ZFPM2: variants seen among roughly 807,000 people sequenced by gnomAD.
ZFPM2 encodes the protein zinc finger protein, FOG family member 2.
Under a neutral mutation model 98.6 loss-of-function variants are expected in ZFPM2, and 20 were observed. That is an observed-to-expected ratio of 0.20 (90% CI 0.14 to 0.29). ZFPM2 has a LOEUF of 0.29. ZFPM2 is among the 10% of genes least tolerant of loss of function. The pLI, the probability that ZFPM2 is intolerant of heterozygous loss-of-function variation, is 1.00. For missense variants in ZFPM2, 1,310 were observed against 1,388.6 expected (o/e 0.94, Z 0.90); for synonymous variants, 518 against 502.7 (o/e 1.03, Z -0.41).
intron 1 of ZFPM2, among the ~76,000 whole-genome samples, chr8:105,386,852 A>G (rs1366381069): frequency 6.6e-6 from 1 of 151,962 alleles, no homozygotes; most frequent in African/African-American, 2.4e-5. Flanking sequence ...GTGGAGGACA[A>G]AAGTTCTCCA....
chr8:105,683,706 C>T (rs188250123), intron 5 of ZFPM2, among the ~76,000 whole-genome samples: 11 of 152,292 alleles, frequency 7.2e-5, no homozygotes, highest in Admixed American at 5.9e-4. Flanking sequence ...TCTTAAGAAT[C>T]AGCCCTGAGA....
intron 4 of ZFPM2, among the ~76,000 whole-genome samples, chr8:105,622,178 T>C (rs1205753175): frequency 6.6e-6 from 1 of 152,154 alleles, no homozygotes; most frequent in Non-Finnish European, 1.5e-5. Flanking sequence ...CAAACTTCAG[T>C]GTAACACACA....
intron 3 of ZFPM2, among the ~76,000 whole-genome samples, chr8:105,456,145 T>C (rs546570779): frequency 4.4e-4 from 45 of 101,946 alleles, no homozygotes; most frequent in African/African-American, 1.3e-3. Flanking sequence ...ACCAGGAAAA[T>C]GTTTTTTTTT....
rs534407573 is a variant in ZFPM2, at chr8:105,466,102, G to C, written c.301+21721G>C. Among the ~76,000 whole-genome samples, 13 of 152,000 alleles carry C rather than the reference G, an allele frequency of 8.6e-5. No individual in the cohort carries two copies. The East Asian group carries it at 2.5e-3, about 29-fold the overall frequency. On this transcript the variant is annotated intron_variant, in intron 3 of 7. Transcript: ENST00000407775. Reference sequence around the variant, plus strand: ...TTGTGATGAGTGGTTTAACTTCGTGGCTTTTCTTAGGTAAAGGTTTTATGA... The same window carrying C: ...TTGTGATGAGTGGTTTAACTTCGTGCCTTTTCTTAGGTAAAGGTTTTATGA...
intron 3 of ZFPM2, among the ~76,000 whole-genome samples, chr8:105,489,292 T>C (rs1586410005): frequency 6.6e-6 from 1 of 151,244 alleles, no homozygotes; most frequent in East Asian, 1.9e-4. Flanking sequence ...GGTAATAAGA[T>C]GATATCACTT....
chr8:105,355,572 C>A lies in ZFPM2; in HGVS notation c.40+36591C>A, dbSNP rs114901708. Among the ~76,000 whole-genome samples the A allele has an allele frequency of 6.8e-3, 1,029 of 152,172 alleles. 8 individuals carry two copies. Among genetic ancestry groups the A allele is most frequent in the African/African-American group, 0.023 (973 of 41,504 alleles). On this transcript the variant is annotated intron_variant, in intron 1 of 7. Transcript: ENST00000407775. ...CAAGCATGCTTTTTAATTTTATGAT[C>A]GGAGAGTACTTAAAATTTTAAGATG...
intron 2 of ZFPM2, among the ~76,000 whole-genome samples, chr8:105,431,466 C>T (rs1812019680): frequency 6.6e-6 from 1 of 152,182 alleles, no homozygotes; most frequent in South Asian, 2.1e-4. Context: ...ACATGTGAGA[C>T]ATGCTGTGGA....
intron 4 of ZFPM2, among the ~76,000 whole-genome samples, chr8:105,617,189 T>TATGCC (rs1328764372): frequency 3.3e-5 from 5 of 152,064 alleles, no homozygotes; most frequent in Admixed American, 3.3e-4. Flanking sequence ...ATTTTGTGAG[T>TATGCC]ATGCCATAAA....
intron 1 of ZFPM2, among the ~76,000 whole-genome samples, chr8:105,411,379 A>G (rs1247064622): frequency 2.0e-5 from 3 of 151,588 alleles, no homozygotes; most frequent in Non-Finnish European, 4.4e-5. Flanking sequence ...TGGATTATCC[A>G]CTCACTTTGG....
chr8:105,587,667 A>G (rs1331636962), intron 4 of ZFPM2, among the ~76,000 whole-genome samples: 5 of 152,166 alleles, frequency 3.3e-5, no homozygotes. Context: ...CACAAATAAT[A>G]ATGGCAGAAT....
chr8:105,580,186 T>TA (rs1194985934), intron 4 of ZFPM2, among the ~76,000 whole-genome samples: 46 of 152,202 alleles, frequency 3.0e-4, no homozygotes, highest in African/African-American at 9.7e-4. Context: ...AACATAAAGA[T>TA]ATGTGCTGAT....
At position 105,565,552 on chromosome 8, in the gene ZFPM2, C is replaced by T. The variant is rs1316194390; in HGVS notation, c.420+4071C>T. Among the ~76,000 whole-genome samples the T allele has an allele frequency of 2.0e-5, 3 of 152,230 alleles. No individual in the cohort carries two copies. In the East Asian group the frequency reaches 5.8e-4, roughly 29 times the overall value. On this transcript the variant is annotated intron_variant, in intron 4 of 7. Transcript: ENST00000407775. ...CTACTTTGGGAAGTTAAATAACTAG[C>T]CTAAGGTCAACTCAGTCTGATTCCA... is the stretch of plus-strand genomic sequence containing the variant.
chr8:105,558,800 T>G (rs1293051073), intron 3 of ZFPM2, among the ~76,000 whole-genome samples: 6 of 152,020 alleles, frequency 3.9e-5, no homozygotes, highest in Non-Finnish European at 7.4e-5. Flanking sequence ...AGCAAATTAT[T>G]TGGGTATATT....
intron 3 of ZFPM2, among the ~76,000 whole-genome samples, chr8:105,474,777 T>C (rs1015940815): frequency 7.9e-5 from 12 of 152,324 alleles, no homozygotes; most frequent in South Asian, 2.1e-4. Flanking sequence ...TAGGTGAGTG[T>C]AGAAGTGATT....
chr8:105,473,544 G>A (rs576664997), intron 3 of ZFPM2, among the ~76,000 whole-genome samples: 1 of 152,128 alleles, frequency 6.6e-6, no homozygotes, highest in Non-Finnish European at 1.5e-5. Context: ...CAATTCTGGT[G>A]GGTTAAGAGA....
intron 5 of ZFPM2, among the ~76,000 whole-genome samples, chr8:105,681,171 G>T (rs1277087379): frequency 1.3e-5 from 2 of 152,078 alleles, no homozygotes; most frequent in African/African-American, 4.8e-5. Flanking sequence ...TGAAGATAGG[G>T]TTATATAAAT....
At chr8:105,756,825 G>A (rs1378401215) in intron 5 of ZFPM2, among the ~76,000 whole-genome samples, 2 of 152,076 alleles carry the variant, frequency 1.3e-5, no homozygotes, top group East Asian at 3.9e-4. Flanking sequence ...ATTCTGTTGT[G>A]CTCTGTTTGA....
intron 5 of ZFPM2, among the ~76,000 whole-genome samples, chr8:105,705,747 G>T (rs890837127): frequency 4.6e-5 from 7 of 152,160 alleles, no homozygotes; most frequent in African/African-American, 1.7e-4. Context: ...CCAAAGGAAG[G>T]TCTATTCTTG....
intron 3 of ZFPM2, among the ~76,000 whole-genome samples, chr8:105,519,623 G>A (rs1289823054): frequency 2.0e-5 from 3 of 151,992 alleles, no homozygotes; most frequent in African/African-American, 7.3e-5. Context: ...ATCGTTTGGG[G>A]AACACATTGA....
Sources: gnomAD v4.1 joint callset for allele counts (sites outside exome capture counted in the v4.1 genomes callset) on GRCh38, gnomAD v4.1.1 for gene constraint, MANE v1.5 for transcripts, NCBI Gene and HGNC (gene_info 2026-07-23, HGNC 2026-07-21) for gene names.